KCNIP4: variants seen among roughly 807,000 people sequenced by gnomAD.
KCNIP4 encodes potassium voltage-gated channel interacting protein 4, also known as Kv channel-interacting protein 4.
A neutral mutation model predicts 34.0 loss-of-function variants in KCNIP4; 12 were observed. The observed-to-expected ratio is 0.35, with a 90% CI of 0.23 to 0.57. KCNIP4 has a LOEUF of 0.57. Among genes scored for constraint, KCNIP4 ranks in the 20% least tolerant of loss-of-function variants. The pLI is 0.83. For missense variants in KCNIP4, 238 were observed against 311.7 expected (o/e 0.76, Z 1.78); for synonymous variants, 124 against 102.2 (o/e 1.21, Z -1.29).
intron 1 of KCNIP4, among the ~76,000 whole-genome samples, chr4:21,299,643 G>C (rs1167585241): frequency 6.6e-6 from 1 of 152,170 alleles, no homozygotes; most frequent in African/African-American, 2.4e-5. Context: ...ATTAGAACAA[G>C]ACTCTGTGAA....
chr4:20,832,472 G>C (rs1322928247), intron 3 of KCNIP4, among the ~76,000 whole-genome samples: 1 of 151,998 alleles, frequency 6.6e-6, no homozygotes, highest in Non-Finnish European at 1.5e-5. Flanking sequence ...CAATTCCCTT[G>C]GCCTAATTTT....
At chr4:21,879,959 C>G (rs1476819019) in intron 1 of KCNIP4, among the ~76,000 whole-genome samples, 1 of 152,050 alleles carries the variant, frequency 6.6e-6, no homozygotes, top group Non-Finnish European at 1.5e-5. Flanking sequence ...TGCCGTCATG[C>G]AAAGAAGGAT....
intron 1 of KCNIP4, among the ~76,000 whole-genome samples, chr4:21,690,115 T>TTA (rs946528893): frequency 2.0e-5 from 3 of 146,888 alleles, no homozygotes; most frequent in East Asian, 3.9e-4. Flanking sequence ...TATACATATA[T>TTA]TATATATATA....
chr4:20,785,377 C>A (rs974130909), intron 3 of KCNIP4, among the ~76,000 whole-genome samples: 17 of 148,242 alleles, frequency 1.1e-4, no homozygotes, highest in Non-Finnish European at 2.1e-4. Flanking sequence ...CTGCTGCCAA[C>A]CTTGGGAATG....
intron 1 of KCNIP4, chr4:21,855,856 G>C (rs1724718991): frequency 6.6e-6 from 1 of 152,154 alleles, no homozygotes; most frequent in African/African-American, 2.4e-5. Context: ...ATTACCACAA[G>C]ATTCTATCTA....
intron 1 of KCNIP4, among the ~76,000 whole-genome samples, chr4:21,357,891 T>G (rs1457638756): frequency 6.6e-6 from 1 of 152,190 alleles, no homozygotes; most frequent in Non-Finnish European, 1.5e-5. Flanking sequence ...GTGGCACTAT[T>G]CACAATAGCA....
At chr4:21,603,039 T>C (rs1431013467) in intron 1 of KCNIP4, among the ~76,000 whole-genome samples, 1 of 152,214 alleles carries the variant, frequency 6.6e-6, no homozygotes, top group Non-Finnish European at 1.5e-5. Context: ...ATCCAATATA[T>C]TGTTTTTTGG....
intron 1 of KCNIP4, among the ~76,000 whole-genome samples, chr4:21,245,216 T>G (rs1361715165): frequency 6.6e-6 from 1 of 152,204 alleles, no homozygotes; most frequent in Admixed American, 6.5e-5. Flanking sequence ...GGAAAACACA[T>G]GTCATTTTCT....
chr4:21,913,529 T>G (rs915532381), intron 1 of KCNIP4, among the ~76,000 whole-genome samples: 1 of 152,050 alleles, frequency 6.6e-6, no homozygotes, highest in Non-Finnish European at 1.5e-5. Flanking sequence ...CTGTGAGAAA[T>G]AAATTTCTGT....
intron 1 of KCNIP4, among the ~76,000 whole-genome samples, chr4:21,256,222 C>T (rs796572223): frequency 1.3e-5 from 2 of 152,060 alleles, no homozygotes; most frequent in Non-Finnish European, 2.9e-5. Context: ...ACTGCAAGTA[C>T]AAATTTCCTG....
chr4:20,979,827 GA>G (rs1362881320), intron 1 of KCNIP4, among the ~76,000 whole-genome samples: 8 of 152,066 alleles, frequency 5.3e-5, no homozygotes, highest in African/African-American at 1.9e-4. Flanking sequence ...AATGTTTAGG[GA>G]ATAAGTGTGC....
chr4:21,847,766 TTA>T (rs1441821004), intron 1 of KCNIP4: 4 of 152,138 alleles, frequency 2.6e-5, no homozygotes, highest in African/African-American at 4.8e-5. Context: ...TCACCTTTTT[TTA>T]TCTTTTCTGA....
At chr4:21,692,606 G>T (rs751791940) in intron 1 of KCNIP4, among the ~76,000 whole-genome samples, 14 of 152,008 alleles carry the variant, frequency 9.2e-5, no homozygotes, top group Non-Finnish European at 1.6e-4. Context: ...AGTGTAACAT[G>T]GTGGTATTTT....
chr4:21,514,121 C>T (rs1028762568), intron 1 of KCNIP4, among the ~76,000 whole-genome samples: 10 of 152,104 alleles, frequency 6.6e-5, no homozygotes, highest in African/African-American at 2.2e-4. Flanking sequence ...GCTGTCAGAC[C>T]TTCTAAAAAA....
At chr4:21,109,856 C>T (rs1225387501) in intron 1 of KCNIP4, among the ~76,000 whole-genome samples, 2 of 152,092 alleles carry the variant, frequency 1.3e-5, no homozygotes, top group African/African-American at 2.4e-5. Context: ...GAAAGTCTCT[C>T]TTTGCTTACT....
intron 1 of KCNIP4, among the ~76,000 whole-genome samples, chr4:21,125,188 C>CTTATTTTATTTTATT (rs71189682): frequency 0.2 from 23,958 of 118,846 alleles, 3,092 homozygotes; most frequent in African/African-American, 0.24. Context: ...TTTATTTTGT[C>CTTATTTTATTTTATT]TTATTTTATT....
chr4:21,355,046 C>T (rs538796748), intron 1 of KCNIP4, among the ~76,000 whole-genome samples: 22 of 152,098 alleles, frequency 1.4e-4, no homozygotes, highest in Middle Eastern at 6.8e-3. Context: ...TCCTGAATGA[C>T]GACTACTGGG....
chr4:21,509,467 T>C (rs1420906358), intron 1 of KCNIP4, among the ~76,000 whole-genome samples: 1 of 152,190 alleles, frequency 6.6e-6, no homozygotes, highest in Non-Finnish European at 1.5e-5. Context: ...ATAACAAAGA[T>C]TAACATTTAT....
chr4:20,912,048 A>G (rs754124672), intron 1 of KCNIP4, among the ~76,000 whole-genome samples: 1 of 152,240 alleles, frequency 6.6e-6, no homozygotes, highest in Admixed American at 6.5e-5. Flanking sequence ...TTACTTTGCA[A>G]TTCTCATTTT....
Sources: gnomAD v4.1 joint callset for allele counts (sites outside exome capture counted in the v4.1 genomes callset) on GRCh38, gnomAD v4.1.1 for gene constraint, MANE v1.5 for transcripts, NCBI Gene and HGNC (gene_info 2026-07-23, HGNC 2026-07-21) for gene names.